Variants in SLC9A9 observed in about 807,000 individuals in gnomAD.
The protein encoded by SLC9A9 is sodium/hydrogen exchanger 9.
Under a neutral mutation model 77.8 loss-of-function variants are expected in SLC9A9, and 62 were observed. The ratio of observed to expected loss-of-function variants is 0.80; its 90% CI spans 0.65 to 0.98. The LOEUF (loss-of-function observed/expected upper bound fraction) is 0.98, where lower values mean the gene tolerates loss of function less well. SLC9A9 is among the 50% of genes least tolerant of loss of function. The pLI is 0.00. For synonymous variants in SLC9A9, 320 were observed against 283.5 expected, an observed-to-expected ratio of 1.13 and a Z score of -1.29; for missense variants, 775 against 774.9, an observed-to-expected ratio of 1.00 and a Z score of 0.00.
intron 6 of SLC9A9, among the ~76,000 whole-genome samples, chr3:143,606,910 C>CA (rs2037937947): frequency 6.6e-6 from 1 of 151,842 alleles, no homozygotes; most frequent in Non-Finnish European, 1.5e-5. Context: ...TTTTGTAGAA[C>CA]TGAAGAAACA....
At chr3:143,405,626 T>A (rs2033961597) in intron 12 of SLC9A9, among the ~76,000 whole-genome samples, 1 of 152,200 alleles carries the variant, frequency 6.6e-6, no homozygotes, top group Non-Finnish European at 1.5e-5. Context: ...GAGCATTATT[T>A]TTTAAAACTG....
intron 9 of SLC9A9, among the ~76,000 whole-genome samples, chr3:143,544,910 T>C (rs1427180219): frequency 6.6e-6 from 1 of 152,196 alleles, no homozygotes; most frequent in Non-Finnish European, 1.5e-5. Flanking sequence ...CCCAGCACCA[T>C]TTATTGAACA....
intron 5 of SLC9A9, among the ~76,000 whole-genome samples, chr3:143,682,128 A>G (rs1269786342): frequency 6.6e-6 from 1 of 152,210 alleles, no homozygotes; most frequent in African/African-American, 2.4e-5. Context: ...AGGCTTCACC[A>G]GGACTCAGCT....
At chr3:143,820,896 T>C (rs562321513) in intron 2 of SLC9A9, among the ~76,000 whole-genome samples, 5 of 149,588 alleles carry the variant, frequency 3.3e-5, no homozygotes, top group African/African-American at 9.9e-5. Flanking sequence ...ATCCTAGTCT[T>C]TCTTTGTCTT....
chr3:143,822,706 C>T (rs1394892121), intron 2 of SLC9A9, among the ~76,000 whole-genome samples: 2 of 152,180 alleles, frequency 1.3e-5, no homozygotes, highest in African/African-American at 4.8e-5. Context: ...ACTCTTGCCA[C>T]AGTTTAATAT....
At chr3:143,384,755 C>A (rs2033382847) in intron 12 of SLC9A9, among the ~76,000 whole-genome samples, 1 of 152,198 alleles carries the variant, frequency 6.6e-6, no homozygotes, top group Admixed American at 6.5e-5. Context: ...AGGACAAACG[C>A]CACAAGTGGC....
At chr3:143,391,555 C>T (rs1307159537) in intron 12 of SLC9A9, among the ~76,000 whole-genome samples, 5 of 152,216 alleles carry the variant, frequency 3.3e-5, no homozygotes, top group African/African-American at 1.2e-4. Context: ...TCTCCCCCTC[C>T]AAAGGAACAC....
chr3:143,621,756 C>A (rs1576616270), intron 6 of SLC9A9, among the ~76,000 whole-genome samples: 1 of 152,166 alleles, frequency 6.6e-6, no homozygotes, highest in East Asian at 1.9e-4. Flanking sequence ...TGGAACAAAG[C>A]TGGACGGAGA....
chr3:143,441,890 C>A (rs373810258), intron 12 of SLC9A9, among the ~76,000 whole-genome samples: 2 of 151,618 alleles, frequency 1.3e-5, no homozygotes, highest in African/African-American at 4.9e-5. Flanking sequence ...ACTCATCCAT[C>A]CATCTCTACT....
chr3:143,287,394 G>A (rs1430014231), intron 14 of SLC9A9, among the ~76,000 whole-genome samples: 1 of 151,642 alleles, frequency 6.6e-6, no homozygotes, highest in Non-Finnish European at 1.5e-5. Context: ...TGGACAAGAA[G>A]GGAAAAAAAA....
intron 4 of SLC9A9, among the ~76,000 whole-genome samples, chr3:143,714,227 T>C (rs1421947610): frequency 6.6e-6 from 1 of 152,174 alleles, no homozygotes; most frequent in African/African-American, 2.4e-5. Context: ...AGGATCCTTT[T>C]CTGGCTTTGA....
At chr3:143,606,338 G>A (rs2037921703) in intron 6 of SLC9A9, among the ~76,000 whole-genome samples, 1 of 151,044 alleles carries the variant, frequency 6.6e-6, no homozygotes, top group African/African-American at 2.4e-5. Context: ...CTGGGGGAAC[G>A]AGATGGAGGT....
chr3:143,797,614 T>C (rs1471184517), intron 2 of SLC9A9, among the ~76,000 whole-genome samples: 2 of 152,190 alleles, frequency 1.3e-5, no homozygotes, highest in Non-Finnish European at 2.9e-5. Context: ...CTGCCTTAAC[T>C]GATGACATTC....
At chr3:143,316,632 G>T (rs777268185) in intron 14 of SLC9A9, among the ~76,000 whole-genome samples, 20 of 152,064 alleles carry the variant, frequency 1.3e-4, no homozygotes, top group Non-Finnish European at 2.5e-4. Flanking sequence ...CCCATATCAG[G>T]CACGTAAATA....
chr3:143,713,663 A>G (rs975325845), intron 4 of SLC9A9, among the ~76,000 whole-genome samples: 1 of 152,216 alleles, frequency 6.6e-6, no homozygotes, highest in African/African-American at 2.4e-5. Flanking sequence ...TTTGTTCCAT[A>G]TAACAGAAAA....
At chr3:143,399,917 T>A (rs146270456) in intron 12 of SLC9A9, among the ~76,000 whole-genome samples, 142 of 152,322 alleles carry the variant, frequency 9.3e-4, no homozygotes, top group African/African-American at 3.3e-3. Context: ...CATTAGTATA[T>A]GCTAGATATT....
At chr3:143,774,705 C>CA (rs5853128) in intron 4 of SLC9A9, among the ~76,000 whole-genome samples, 29,082 of 151,140 alleles carry the variant, frequency 0.19, 3,148 homozygotes, top group East Asian at 0.47. Context: ...TTGAACTATA[C>CA]ATTGTAATAT....
intron 6 of SLC9A9, among the ~76,000 whole-genome samples, chr3:143,629,621 G>A (rs973214917): frequency 1.3e-5 from 2 of 151,598 alleles, no homozygotes; most frequent in African/African-American, 4.8e-5. Flanking sequence ...GCAAGGGAGA[G>A]AGATCTACTA....
At chr3:143,382,242 G>T (rs140241244) in intron 12 of SLC9A9, 128 bp from the exon 13 acceptor site, 4 of 968,960 alleles carry the variant, frequency 4.1e-6, no homozygotes, top group Admixed American at 3.5e-5. Flanking sequence ...ACTATCCTAC[G>T]TCTTCTTGAA....
Sources: gnomAD v4.1 joint callset for allele counts (sites outside exome capture counted in the v4.1 genomes callset) on GRCh38, gnomAD v4.1.1 for gene constraint, MANE v1.5 for transcripts, NCBI Gene and HGNC (gene_info 2026-07-23, HGNC 2026-07-21) for gene names.